WDR72: variants seen among roughly 807,000 people sequenced by gnomAD.
The protein encoded by WDR72 is WD repeat-containing protein 72.
In WDR72, 120 loss-of-function variants were observed where a neutral mutation model predicts 124.2. The observed-to-expected ratio is 0.97, with a 90% CI of 0.83 to 1.12. The LOEUF is 1.12. WDR72 is among the 50% of genes most tolerant of loss of function. The pLI, the probability that WDR72 is intolerant of heterozygous loss-of-function variation, is 0.00. For missense variants in WDR72, 1,387 were observed against 1,278.8 expected, an observed-to-expected ratio of 1.08 and a Z score of -1.29; for synonymous variants, 452 against 441.7, an observed-to-expected ratio of 1.02 and a Z score of -0.29.
intron 13 of WDR72, among the ~76,000 whole-genome samples, chr15:53,675,872 AT>A (rs1277259047): frequency 6.6e-6 from 1 of 152,056 alleles, no homozygotes; most frequent in Non-Finnish European, 1.5e-5. Flanking sequence ...TATTTTGGTT[AT>A]TTTTTTGGAG....
At chr15:53,629,967 T>G (rs2014359891) in intron 14 of WDR72, among the ~76,000 whole-genome samples, 1 of 152,116 alleles carries the variant, frequency 6.6e-6, no homozygotes, top group South Asian at 2.1e-4. Flanking sequence ...TACAAATATG[T>G]GCAAATTAAA....
chr15:53,744,237 G>A (rs1028547617), intron 1 of WDR72, among the ~76,000 whole-genome samples: 3 of 152,116 alleles, frequency 2.0e-5, no homozygotes, highest in Non-Finnish European at 4.4e-5. Context: ...TTTCAACCTG[G>A]TGTATACGAA....
intron 14 of WDR72, among the ~76,000 whole-genome samples, chr15:53,621,344 T>A (rs969666260): frequency 2.5e-4 from 38 of 151,310 alleles, no homozygotes; most frequent in Admixed American, 2.2e-3. Context: ...CTTGCACAAC[T>A]ATGTTTATAG....
intron 18 of WDR72, among the ~76,000 whole-genome samples, chr15:53,590,261 T>C (rs1007124481): frequency 2.0e-4 from 30 of 152,024 alleles, no homozygotes; most frequent in African/African-American, 7.2e-4. Context: ...CCAAATCTTG[T>C]ACATTTTTAG....
intron 19 of WDR72, among the ~76,000 whole-genome samples, chr15:53,519,023 C>T: frequency 6.6e-6 from 1 of 152,192 alleles, no homozygotes; most frequent in East Asian, 1.9e-4. Context: ...CTAATTCTCT[C>T]TTGTCACTAT....
chr15:53,549,603 T>C (rs1893641672), intron 18 of WDR72, among the ~76,000 whole-genome samples: 1 of 150,954 alleles, frequency 6.6e-6, no homozygotes, highest in Non-Finnish European at 1.5e-5. Flanking sequence ...GATTTTAGGA[T>C]TTTTTTTTAA....
At chr15:53,614,442 G>A (rs1231569266) in intron 15 of WDR72, among the ~76,000 whole-genome samples, 1 of 152,096 alleles carries the variant, frequency 6.6e-6, no homozygotes, top group African/African-American at 2.4e-5. Flanking sequence ...AGTGGCTGCA[G>A]TAGAGAAGCA....
intron 14 of WDR72, among the ~76,000 whole-genome samples, chr15:53,656,633 C>G (rs1258786515): frequency 1.3e-5 from 2 of 152,058 alleles, no homozygotes; most frequent in East Asian, 3.8e-4. Flanking sequence ...CAGCTTTCAA[C>G]AAGAAAGATT....
chr15:53,744,387 G>A (rs1371021611), intron 1 of WDR72, among the ~76,000 whole-genome samples: 2 of 152,268 alleles, frequency 1.3e-5, no homozygotes, highest in South Asian at 2.1e-4. Context: ...CTATATCCAC[G>A]TCTAAGAAAT....
Position 53,516,308 on chromosome 15 carries a change from C to T in WDR72, c.*1391G>A, listed in dbSNP as rs1355601832. Reference sequence around the variant, plus strand: ...TTTATCCTGGTATGTTTATTCAGATCATCATTAATTATAAGTTCCTTAAGG... The same window carrying T: ...TTTATCCTGGTATGTTTATTCAGATTATCATTAATTATAAGTTCCTTAAGG... On this transcript the variant is annotated 3_prime_UTR_variant, in exon 20 of 20. Transcript: ENST00000360509. 6.6e-6 allele frequency: 1 copy of T among 152,064 alleles called. No homozygotes were observed. The highest frequency in any genetic ancestry group is 1.5e-5 in the Non-Finnish European group (1 of 67,988). The allele number at this position is 152,064 out of a possible 1,614,324, so 9.4% of individuals were successfully genotyped here. A position where few individuals can be genotyped will look rare whatever the true frequency, so the allele number is the denominator to read the frequency against.
In WDR72 at chr15:53,714,495, A is replaced by G. The variant is rs1273975169; in HGVS notation, c.530T>C (p.Val177Ala). 7 of 1,613,508 alleles carry G rather than the reference A, an allele frequency of 4.3e-6. No individual in the cohort carries two copies. In the East Asian group the frequency reaches 1.6e-4, roughly 36 times the overall value. The change falls in exon 6 of 20, where the codon GTG becomes GCG. Residue 177 changes from valine (V) to alanine (A), a missense_variant. Val to Ala is a moderately conservative substitution (Grantham distance 64). Transcript: ENST00000360509. ...TTTGAGCTCACCAGCTACTGATACC[A>G]CCAAGAGAGAATCTTCTGTGAAAAT... ...SMRIQEDSLLVVSVAGELKVW... is the reference protein window; with the variant it reads ...SMRIQEDSLLAVSVAGELKVW...
intron 14 of WDR72, among the ~76,000 whole-genome samples, chr15:53,638,304 C>G (rs2014701664): frequency 6.6e-6 from 1 of 152,188 alleles, no homozygotes; most frequent in African/African-American, 2.4e-5. Flanking sequence ...GCCAGATATT[C>G]CAGTGCCTTA....
intron 18 of WDR72, among the ~76,000 whole-genome samples, chr15:53,535,486 A>C (rs1211095294): frequency 6.6e-6 from 1 of 152,182 alleles, no homozygotes; most frequent in African/African-American, 2.4e-5. Flanking sequence ...ATTTTTTGCC[A>C]GATTATGGCC....
intron 2 of WDR72, among the ~76,000 whole-genome samples, chr15:53,723,595 C>T (rs927060362): frequency 2.6e-5 from 4 of 152,170 alleles, no homozygotes; most frequent in Non-Finnish European, 4.4e-5. Flanking sequence ...ATACAGTCTT[C>T]CCTCATTATC....
At chr15:53,706,189 C>A in intron 9 of WDR72, 115 bp from the exon 10 acceptor site, 1 of 1,176,234 alleles carries the variant, frequency 8.5e-7, no homozygotes, top group Non-Finnish European at 1.2e-6. Flanking sequence ...AATTTATTTC[C>A]CACTCTTTTG....
chr15:53,568,078 T>A (rs1244520910), intron 18 of WDR72, among the ~76,000 whole-genome samples: 3 of 147,106 alleles, frequency 2.0e-5, no homozygotes, highest in Non-Finnish European at 4.4e-5. Flanking sequence ...TCTTGTTTTT[T>A]TTTTTTTATT....
chr15:53,742,204 T>G (rs188109249), intron 1 of WDR72, among the ~76,000 whole-genome samples: 1 of 152,332 alleles, frequency 6.6e-6, no homozygotes, highest in East Asian at 1.9e-4. Context: ...ACGTAGTGTC[T>G]TGCTATCAAT....
chr15:53,653,165 C>G (rs1481254328), intron 14 of WDR72, among the ~76,000 whole-genome samples: 1 of 152,136 alleles, frequency 6.6e-6, no homozygotes, highest in East Asian at 1.9e-4. Flanking sequence ...TCTTTACTTT[C>G]TTACCATCTA....
chr15:53,674,323 A>C (rs982700383), intron 13 of WDR72, among the ~76,000 whole-genome samples: 2 of 152,244 alleles, frequency 1.3e-5, no homozygotes, highest in African/African-American at 4.8e-5. Flanking sequence ...CAAATTCCAC[A>C]AATCAAAAAA....
Sources: gnomAD v4.1 joint callset for allele counts (sites outside exome capture counted in the v4.1 genomes callset) on GRCh38, gnomAD v4.1.1 for gene constraint, MANE v1.5 for transcripts, NCBI Gene and HGNC (gene_info 2026-07-23, HGNC 2026-07-21) for gene names.